DIAPH2: variants seen among roughly 807,000 people sequenced by gnomAD.
DIAPH2 encodes protein diaphanous homolog 2.
DIAPH2 carries 35 observed loss-of-function variants against 92.7 expected under a neutral mutation model. The observed-to-expected ratio is 0.38, with a 90% CI of 0.29 to 0.50. DIAPH2 has a LOEUF of 0.50. Ranked by LOEUF, DIAPH2 falls within the 20% of genes least tolerant of loss-of-function variation. The pLI is 0.94. For missense variants in DIAPH2, 701 were observed against 819.5 expected (o/e 0.86, Z 1.77); for synonymous variants, 301 against 280.4 (o/e 1.07, Z -0.73).
chrX:97,534,857 G>C (rs2071084681), intron 26 of DIAPH2, among the ~76,000 whole-genome samples: 1 of 111,898 alleles, frequency 8.9e-6, no homozygotes, highest in African/African-American at 3.2e-5. Context: ...ATAGTGATAA[G>C]ACAGGTAGAT....
At chrX:97,169,996 A>T (rs2067440136) in intron 22 of DIAPH2, among the ~76,000 whole-genome samples, 1 of 112,442 alleles carries the variant, frequency 8.9e-6, no homozygotes, top group Non-Finnish European at 1.9e-5. Context: ...TTATTTTTTG[A>T]CATGAGTAAC....
In DIAPH2 at chrX:97,603,201, T is replaced by C. The variant is rs1270424102; in HGVS notation, c.*3884T>C. 1 of 108,884 alleles carries C rather than the reference T, an allele frequency of 9.2e-6. No individual in the cohort carries two copies. Among genetic ancestry groups the C allele is most frequent in the African/African-American group, 3.3e-5 (1 of 29,891 alleles). The allele number at this position is 108,884 out of a possible 1,213,427, so 9.0% of individuals were successfully genotyped here. A position where few individuals can be genotyped will look rare whatever the true frequency, so the allele number is the denominator to read the frequency against. On this transcript the variant is annotated 3_prime_UTR_variant, in exon 27 of 27. Coordinates refer to ENST00000324765, the MANE Select transcript of DIAPH2 (RefSeq NM_006729.5). ...GAATTCAGGCTCAGAATTTACCCAG[T>C]CATCAGATACTGATTCCTTTTGTCC...
At chrX:97,271,252 A>G (rs1280790252) in intron 23 of DIAPH2, among the ~76,000 whole-genome samples, 1 of 111,459 alleles carries the variant, frequency 9.0e-6, no homozygotes, top group East Asian at 2.8e-4. Flanking sequence ...AATGAGCAAT[A>G]AATATTTTTG....
chrX:96,693,579 C>T (rs759822449), intron 1 of DIAPH2, among the ~76,000 whole-genome samples: 1 of 112,076 alleles, frequency 8.9e-6, no homozygotes, highest in East Asian at 2.8e-4. Context: ...GGGCCCTGAC[C>T]AAGGGTGTGA....
At chrX:97,382,452 A>G (rs1419584279) in intron 24 of DIAPH2, among the ~76,000 whole-genome samples, 1 of 112,147 alleles carries the variant, frequency 8.9e-6, no homozygotes, top group Non-Finnish European at 1.9e-5. Context: ...TCATACTGGC[A>G]TCTGGCAGGT....
rs748185990 is a variant in DIAPH2, at chrX:97,578,429, T to C, written c.3242-20824T>C. ...AGTGAGAATATGCGGTGTTTGGTTT[T>C]TTGCTCTTGCGATAGTTTACTGAGA... is the stretch of plus-strand genomic sequence containing the variant. On this transcript the variant is annotated intron_variant, in intron 26 of 26. Transcript: ENST00000324765. Among the ~76,000 whole-genome samples the C allele has an allele frequency of 1.8e-3, 194 of 106,537 alleles. 1 individual carries two copies. The highest frequency in any genetic ancestry group is 0.014 in the South Asian group (31 of 2,193). 92.5% of individuals were successfully genotyped at this position (106,537 alleles called of 115,157 possible). A position where few individuals can be genotyped will look rare whatever the true frequency, so the allele number is the denominator to read the frequency against.
At chrX:97,527,272 T>G in intron 26 of DIAPH2, among the ~76,000 whole-genome samples, 1 of 112,384 alleles carries the variant, frequency 8.9e-6, no homozygotes, top group Non-Finnish European at 1.9e-5. Context: ...GCATATATTG[T>G]ACTGACAGAA....
At chrX:97,062,877 G>GA (rs1428283069) in intron 17 of DIAPH2, among the ~76,000 whole-genome samples, 3 of 105,369 alleles carry the variant, frequency 2.8e-5, no homozygotes, top group Non-Finnish European at 3.9e-5. Context: ...TACCAAAAAT[G>GA]AAAAAAAATA....
chrX:97,238,048 T>C (rs181183537), intron 22 of DIAPH2, among the ~76,000 whole-genome samples: 205 of 112,257 alleles, frequency 1.8e-3, no homozygotes, highest in Non-Finnish European at 1.8e-3. Context: ...TAGTATTTGC[T>C]GCAGGCAGAA....
chrX:97,078,985 G>T (rs1216016945), intron 19 of DIAPH2, among the ~76,000 whole-genome samples: 1 of 111,068 alleles, frequency 9.0e-6, no homozygotes, highest in Non-Finnish European at 1.9e-5. Context: ...GTAGCTTGGT[G>T]GTGGTCATAT....
intron 4 of DIAPH2, among the ~76,000 whole-genome samples, chrX:96,849,957 G>T (rs1300932698): frequency 1.7e-5 from 1 of 60,066 alleles, no homozygotes; most frequent in Non-Finnish European, 2.7e-5. Context: ...AATCAGAAAA[G>T]ACTTTTTTTT....
chrX:97,337,873 A>ATTTTT (rs772010711), intron 23 of DIAPH2, among the ~76,000 whole-genome samples: 7 of 92,733 alleles, frequency 7.5e-5, no homozygotes, highest in African/African-American at 2.8e-4. Context: ...TTATAATCTG[A>ATTTTT]TTTTTTTTTT....
chrX:97,246,262 A>G (rs1295758622), intron 22 of DIAPH2, among the ~76,000 whole-genome samples: 1 of 111,022 alleles, frequency 9.0e-6, no homozygotes, highest in Non-Finnish European at 1.9e-5. Flanking sequence ...AACCTTTTGA[A>G]TAATTGGAAT....
At chrX:96,725,589 G>A (rs1197809049) in intron 1 of DIAPH2, among the ~76,000 whole-genome samples, 1 of 111,283 alleles carries the variant, frequency 9.0e-6, no homozygotes, top group African/African-American at 3.3e-5. Context: ...CTTTCACTCT[G>A]GAAATGATTT....
chrX:97,011,272 TG>T (rs1226202086), intron 17 of DIAPH2, among the ~76,000 whole-genome samples: 1 of 112,195 alleles, frequency 8.9e-6, no homozygotes, highest in Non-Finnish European at 1.9e-5. Context: ...AAATTCCATT[TG>T]ATAAGCATGT....
intron 26 of DIAPH2, among the ~76,000 whole-genome samples, chrX:97,579,511 T>C (rs1242081532): frequency 7.2e-5 from 8 of 111,442 alleles, no homozygotes; most frequent in African/African-American, 1.6e-4. Context: ...GGCTCTGTTC[T>C]GTTCCATTGA....
At chrX:96,689,507 T>TA (rs1569366428) in intron 1 of DIAPH2, among the ~76,000 whole-genome samples, 1 of 109,517 alleles carries the variant, frequency 9.1e-6, no homozygotes, top group Admixed American at 9.9e-5. Flanking sequence ...TTCATTCATT[T>TA]ACCAGCTCAT....
At chrX:97,457,155 G>A (rs1294921237) in intron 26 of DIAPH2, among the ~76,000 whole-genome samples, 3 of 111,287 alleles carry the variant, frequency 2.7e-5, no homozygotes, top group Non-Finnish European at 5.7e-5. Flanking sequence ...CGAGTAGCTG[G>A]GATTACAGGC....
chrX:96,779,880 G>GT (rs919391825), intron 4 of DIAPH2, among the ~76,000 whole-genome samples: 4 of 111,786 alleles, frequency 3.6e-5, no homozygotes, highest in African/African-American at 9.7e-5. Context: ...TAAGTTCTAC[G>GT]TTTTTTTCCG....
Sources: allele counts gnomAD v4.1 joint callset (sites outside exome capture counted in the v4.1 genomes callset), GRCh38; gene constraint gnomAD v4.1.1; transcripts MANE v1.5; gene names NCBI Gene and HGNC (gene_info 2026-07-23, HGNC 2026-07-21).